The following DST variants were observed in gnomAD, a reference collection of about 807,000 sequenced individuals.
The protein encoded by DST is dystonin.
DST carries 253 observed loss-of-function variants against 875.2 expected under a neutral mutation model. The observed-to-expected ratio is 0.29, with a 90% confidence interval of 0.26 to 0.32. The LOEUF (loss-of-function observed/expected upper bound fraction) is 0.32. DST is among the 10% of genes least tolerant of loss of function. The pLI is 1.00. For missense variants in DST, 8,287 were observed against 9,111.6 expected, an observed-to-expected ratio of 0.91 and a Z score of 3.68; for synonymous variants, 3,124 against 3,197.1, an observed-to-expected ratio of 0.98 and a Z score of 0.77.
Position 56,610,485 on chromosome 6 carries a change from T to G in DST, c.5225A>C (p.Glu1742Ala). Residue 1742 changes from glutamate to alanine, a missense_variant, in exon 39 of 104, where the codon GAA becomes GCA. Transcript: ENST00000680361. Reference sequence around the variant, plus strand: ...TGATTCTTGTAGCTGTTTCAGAGATTCACTGAATAATAAATTATAACTTTC... The same window carrying G: ...TGATTCTTGTAGCTGTTTCAGAGATGCACTGAATAATAAATTATAACTTTC... ...LQESYNLLFS[E>A]SLKQLQESQT... The G allele has an allele frequency of 6.4e-7, 1 of 1,569,392 alleles. No individual in the cohort carries two copies. The highest frequency in any genetic ancestry group is 8.7e-7 in the Non-Finnish European group (1 of 1,155,038).
intron 49 of DST, among the ~76,000 whole-genome samples, chr6:56,583,064 A>G (rs567913711): frequency 6.6e-6 from 1 of 152,338 alleles, no homozygotes; most frequent in South Asian, 2.1e-4. Context: ...ATATGGGTGC[A>G]TGTGTCTTTA....
intron 89 of DST, 200 bp from the exon 90 acceptor site, chr6:56,482,378 ATATGAAG>A: frequency 1.5e-6 from 1 of 657,666 alleles, no homozygotes; most frequent in Non-Finnish European, 2.3e-6. Context: ...AAAAAAGCCT[ATATGAAG>A]AAAAATTTAC....
At chr6:56,679,814 C>T (rs1029635595) in intron 9 of DST, among the ~76,000 whole-genome samples, 1 of 151,990 alleles carries the variant, frequency 6.6e-6, no homozygotes, top group Non-Finnish European at 1.5e-5. Flanking sequence ...ACCTACCCTA[C>T]CACATCTACT....
intron 4 of DST, among the ~76,000 whole-genome samples, chr6:56,763,075 C>T (rs138452665): frequency 0.016 from 2,471 of 152,080 alleles, 47 homozygotes; most frequent in Non-Finnish European, 0.022. Context: ...GTCTCGAACT[C>T]CTGACCTCAG....
chr6:56,639,577 G>C lies in DST; in HGVS notation c.2732C>G (p.Thr911Arg). Residue 911 changes from threonine (T) to arginine (R), a missense_variant, in exon 21 of 104, where the codon ACA (threonine) becomes AGA (arginine). By Grantham distance (71) the Thr-to-Arg change is moderately conservative. Transcript: ENST00000680361. Reference protein sequence around the residue: ...TSRNQERHLDTLHNFVSRATN... With the variant: ...TSRNQERHLDRLHNFVSRATN... ...CGCACGACTTACAAAATTATGGAGT[G>C]TATCAAGGTGCCGTTCTTGATTCCT... 1 of 1,613,760 alleles carries C rather than the reference G, an allele frequency of 6.2e-7. No individual in the cohort carries two copies. The highest frequency in any genetic ancestry group is 8.5e-7 in the Non-Finnish European group (1 of 1,179,888).
chr6:56,458,892 G>A lies in DST; in HGVS notation c.*113C>T, dbSNP rs2094183557. The A allele has an allele frequency of 1.7e-6, 2 of 1,203,016 alleles. No individual in the cohort carries two copies. Among genetic ancestry groups the A allele is most frequent in the Non-Finnish European group, 2.3e-6 (2 of 885,882 alleles). 74.5% of individuals were successfully genotyped at this position (1,203,016 alleles called of 1,614,324 possible). A position where few individuals can be genotyped will look rare whatever the true frequency, so the allele number is the denominator to read the frequency against. ...AAATACACAAATAAGGCCATCTGCA[G>A]AATTTTAAACTCGCCTCTTGCAATA... is the stretch of plus-strand genomic sequence containing the variant. On this transcript the variant is annotated 3_prime_UTR_variant, in exon 104 of 104. Transcript: ENST00000680361.
Position 56,775,591 on chromosome 6 carries a change from T to C in DST, c.626-40302A>G, listed in dbSNP as rs906056891. On this transcript the variant is annotated intron_variant, in intron 4 of 103. Coordinates refer to ENST00000680361, the MANE Select transcript of DST (RefSeq NM_001374736.1). The stretch of plus-strand genomic sequence containing the variant: ...GAACCAGGGCTCCTTAGAGAAATGG[T>C]TGATTTCAGGGCTAGGGCAGGAAAT... Among the ~76,000 whole-genome samples, 15 of 152,244 alleles carry C rather than the reference T, an allele frequency of 9.9e-5. No individual in the cohort carries two copies. The East Asian group carries it at 2.5e-3, about 25-fold the overall frequency.
At chr6:56,859,897 G>A (rs1478428045) in intron 3 of DST, among the ~76,000 whole-genome samples, 2 of 152,046 alleles carry the variant, frequency 1.3e-5, no homozygotes, top group African/African-American at 2.4e-5. Flanking sequence ...AAATCAAGTC[G>A]AGCCTCCGCA....
chr6:56,695,716 G>A (rs1388282687), intron 9 of DST, among the ~76,000 whole-genome samples: 1 of 152,202 alleles, frequency 6.6e-6, no homozygotes, highest in Non-Finnish European at 1.5e-5. Flanking sequence ...GATCTAGCAT[G>A]TGGTGGCTAA....
At chr6:56,507,559 A>G (rs1261601252) in intron 75 of DST, among the ~76,000 whole-genome samples, 1 of 152,230 alleles carries the variant, frequency 6.6e-6, no homozygotes, top group Non-Finnish European at 1.5e-5. Flanking sequence ...CATGGGGGTA[A>G]TGATCCAACT....
At chr6:56,673,182 C>T (rs563783615) in intron 9 of DST, among the ~76,000 whole-genome samples, 5 of 152,148 alleles carry the variant, frequency 3.3e-5, no homozygotes, top group African/African-American at 1.2e-4. Context: ...GAGGTTGAGG[C>T]TGTAGTGAGC....
intron 2 of DST, among the ~76,000 whole-genome samples, chr6:56,917,941 A>G (rs1324948853): frequency 2.0e-5 from 3 of 152,186 alleles, no homozygotes; most frequent in Non-Finnish European, 2.9e-5. Context: ...AACCCTATAA[A>G]TAAGTGTGAA....
chr6:56,724,540 T>C (rs1478076051), intron 5 of DST, among the ~76,000 whole-genome samples: 1 of 152,246 alleles, frequency 6.6e-6, no homozygotes, highest in Middle Eastern at 3.2e-3. Flanking sequence ...GTTGTGGCTA[T>C]GACTCTACTG....
In DST at chr6:56,728,739, A is replaced by G. The variant is rs113654697; in HGVS notation, c.687+6489T>C. On this transcript the variant is annotated intron_variant, in intron 5 of 103. Transcript: ENST00000680361. The stretch of plus-strand genomic sequence containing the variant: ...TAAAGAGACATGACACCTAAATGCA[A>G]TACCTGACCCTGAACTGGTCCTTGC... Among the ~76,000 whole-genome samples, 737 of 152,262 alleles carry G rather than the reference A, an allele frequency of 4.8e-3. 5 individuals are homozygous for G. The highest frequency in any genetic ancestry group is 0.017 in the African/African-American group (706 of 41,558).
intron 4 of DST, among the ~76,000 whole-genome samples, chr6:56,770,115 A>G (rs1469925784): frequency 6.6e-6 from 1 of 152,224 alleles, no homozygotes; most frequent in Non-Finnish European, 1.5e-5. Flanking sequence ...TTCTGGTGTT[A>G]TAACTTAATC....
chr6:56,887,455 T>C (rs902980880), intron 3 of DST, among the ~76,000 whole-genome samples: 1 of 152,200 alleles, frequency 6.6e-6, no homozygotes, highest in Non-Finnish European at 1.5e-5. Context: ...AAGGAAGCTA[T>C]ACCCATCTTA....
intron 4 of DST, among the ~76,000 whole-genome samples, chr6:56,849,901 C>T (rs571391189): frequency 6.6e-6 from 1 of 152,322 alleles, no homozygotes; most frequent in African/African-American, 2.4e-5. Context: ...CCATCAGCCC[C>T]CAGTAACTTC....
At chr6:56,843,507 G>GCGCCCGGACCCTCTGCGGC in intron 4 of DST, 1 of 986,254 alleles carries the variant, frequency 1.0e-6, no homozygotes, top group Non-Finnish European at 1.2e-6. Flanking sequence ...GGGCCGGCGG[G>GCGCCCGGACCCTCTGCGGC]CGCCCGGACC....
intron 93 of DST, 114 bp downstream of exon 93, chr6:56,473,759 A>G: frequency 2.1e-6 from 2 of 947,440 alleles, no homozygotes; most frequent in Non-Finnish European, 3.2e-6. Context: ...GTATTTCATG[A>G]TATCAAGTGC....
Sources: allele counts gnomAD v4.1 joint callset (sites outside exome capture counted in the v4.1 genomes callset), GRCh38; gene constraint gnomAD v4.1.1; transcripts MANE v1.5; gene names NCBI Gene and HGNC (gene_info 2026-07-23, HGNC 2026-07-21).